Variants in MITF observed in about 807,000 individuals in gnomAD.
The protein encoded by MITF is melanocyte inducing transcription factor.
Under a neutral mutation model 60.5 loss-of-function variants are expected in MITF, and 17 were observed. That is an observed-to-expected ratio of 0.28 (90% CI 0.19 to 0.42). The LOEUF (loss-of-function observed/expected upper bound fraction) is 0.42, where lower values mean the gene tolerates loss of function less well. MITF is among the 10% of genes least tolerant of loss of function. MITF has a pLI of 1.00. For synonymous variants in MITF, 260 were observed against 248.5 expected (o/e 1.05, Z -0.43); for missense variants, 622 against 683.5 (o/e 0.91, Z 1.00).
intron 9 of MITF, among the ~76,000 whole-genome samples, chr3:69,962,306 T>G (rs951707489): frequency 6.6e-6 from 1 of 152,230 alleles, no homozygotes; most frequent in African/African-American, 2.4e-5. Context: ...CATGAATCCT[T>G]TATGTCAGTG....
At chr3:69,840,545 ATTC>A (rs2063617451) in intron 1 of MITF, among the ~76,000 whole-genome samples, 1 of 152,108 alleles carries the variant, frequency 6.6e-6, no homozygotes, top group Non-Finnish European at 1.5e-5. Flanking sequence ...CTCTTCTGCC[ATTC>A]TTTAACCTCC....
At chr3:69,923,380 T>A (rs531016696) in intron 2 of MITF, among the ~76,000 whole-genome samples, 1 of 152,372 alleles carries the variant, frequency 6.6e-6, no homozygotes, top group Admixed American at 6.5e-5. Context: ...AGTCTTGCTC[T>A]GTCACCTAGG....
intron 8 of MITF, among the ~76,000 whole-genome samples, chr3:69,958,047 T>C (rs1378740468): frequency 6.6e-6 from 1 of 152,076 alleles, no homozygotes; most frequent in East Asian, 1.9e-4. Context: ...TCCCTCTTAT[T>C]ACCAAACAAA....
At chr3:69,960,529 T>C (rs2066515397) in intron 9 of MITF, among the ~76,000 whole-genome samples, 1 of 152,172 alleles carries the variant, frequency 6.6e-6, no homozygotes. Flanking sequence ...CTCCCTGTTA[T>C]GGACCAAAGG....
chr3:69,843,800 T>G (rs568103946), intron 1 of MITF, among the ~76,000 whole-genome samples: 1 of 152,258 alleles, frequency 6.6e-6, no homozygotes, highest in Non-Finnish European at 1.5e-5. Context: ...ACGTACAGGT[T>G]TGTTACATAG....
intron 1 of MITF, among the ~76,000 whole-genome samples, chr3:69,789,653 C>T (rs1306342828): frequency 6.6e-6 from 1 of 151,994 alleles, no homozygotes; most frequent in Admixed American, 6.6e-5. Context: ...GCCAGGAGTT[C>T]GAGACAACCC....
intron 1 of MITF, among the ~76,000 whole-genome samples, chr3:69,822,121 C>T (rs771829748): frequency 4.6e-5 from 7 of 152,188 alleles, no homozygotes; most frequent in African/African-American, 7.2e-5. Context: ...TGATATTTTA[C>T]AACAAAGGTC....
intron 2 of MITF, among the ~76,000 whole-genome samples, chr3:69,882,254 A>G (rs1365120483): frequency 6.6e-6 from 1 of 152,184 alleles, no homozygotes; most frequent in Non-Finnish European, 1.5e-5. Context: ...TCCTCAACGT[A>G]TAGTCATTGT....
intron 1 of MITF, among the ~76,000 whole-genome samples, chr3:69,808,661 A>G (rs1424924385): frequency 2.6e-5 from 4 of 152,032 alleles, no homozygotes; most frequent in Non-Finnish European, 5.9e-5. Flanking sequence ...AGGGAGACTC[A>G]CTCATGGACA....
rs140765483 is a variant in MITF, at chr3:69,876,011, C to T, written c.105-3123C>T. Among the ~76,000 whole-genome samples the T allele has an allele frequency of 3.5e-3, 527 of 152,184 alleles. 5 individuals are homozygous for T. The highest frequency in any genetic ancestry group is 0.012 in the African/African-American group (489 of 41,528). ...TTATATAACTATAAAAATATATTTG[C>T]TCTATTTTTTAGTGGGGTTTCTTTT... is the stretch of plus-strand genomic sequence containing the variant. On this transcript the variant is annotated intron_variant, in intron 1 of 9. Transcript: ENST00000352241.
At chr3:69,901,893 A>G (rs1213369045) in intron 2 of MITF, among the ~76,000 whole-genome samples, 2 of 152,086 alleles carry the variant, frequency 1.3e-5, no homozygotes, top group Admixed American at 1.3e-4. Context: ...AGCATGTGTC[A>G]CCCTTGCAAT....
chr3:69,744,728 C>A (rs1344141338), intron 1 of MITF, among the ~76,000 whole-genome samples: 1 of 152,182 alleles, frequency 6.6e-6, no homozygotes, highest in Non-Finnish European at 1.5e-5. Context: ...AGTGTTGTTA[C>A]GCAACACAGT....
At chr3:69,930,355 A>AG (rs568079529) in intron 2 of MITF, among the ~76,000 whole-genome samples, 125 of 152,318 alleles carry the variant, frequency 8.2e-4, no homozygotes, top group African/African-American at 2.9e-3. Context: ...AGAACGTGAG[A>AG]GAAAAACCAG....
intron 2 of MITF, among the ~76,000 whole-genome samples, chr3:69,909,170 A>C (rs575403799): frequency 1.3e-5 from 2 of 152,036 alleles, no homozygotes; most frequent in African/African-American, 2.4e-5. Context: ...TGTGGTTCTC[A>C]TGATAGTGAA....
intron 1 of MITF, among the ~76,000 whole-genome samples, chr3:69,804,495 C>T (rs1177635567): frequency 1.3e-5 from 2 of 152,148 alleles, no homozygotes; most frequent in Non-Finnish European, 2.9e-5. Flanking sequence ...TATAATTCTT[C>T]CATGCCCAAC....
At chr3:69,849,113 C>G (rs1438539043) in intron 1 of MITF, among the ~76,000 whole-genome samples, 1 of 150,702 alleles carries the variant, frequency 6.6e-6, no homozygotes, top group East Asian at 1.9e-4. Context: ...TACAGGCGCC[C>G]GCCACTACGC....
At chr3:69,762,413 G>A (rs1282322867) in intron 1 of MITF, among the ~76,000 whole-genome samples, 1 of 152,208 alleles carries the variant, frequency 6.6e-6, no homozygotes. Context: ...CAAGTTCCCA[G>A]TGATTCTAAC....
chr3:69,755,629 GA>G (rs887606514), intron 1 of MITF, among the ~76,000 whole-genome samples: 32 of 148,996 alleles, frequency 2.1e-4, no homozygotes, highest in Non-Finnish European at 3.4e-4. Flanking sequence ...GCATAAAGGG[GA>G]AAAAAAAAGC....
At chr3:69,889,025 G>GTTTTTT (rs4057977) in intron 2 of MITF, among the ~76,000 whole-genome samples, 9 of 58,804 alleles carry the variant, frequency 1.5e-4, no homozygotes, top group East Asian at 6.1e-4. Flanking sequence ...ATAGCCTTTG[G>GTTTTTT]TTTTTTTTTT....
Sources: gnomAD v4.1 joint callset for allele counts (sites outside exome capture counted in the v4.1 genomes callset) on GRCh38, gnomAD v4.1.1 for gene constraint, MANE v1.5 for transcripts, NCBI Gene and HGNC (gene_info 2026-07-23, HGNC 2026-07-21) for gene names.